The following TYW1B variants were observed in gnomAD, a reference collection of about 807,000 sequenced individuals.
TYW1B encodes the protein tRNA-yW synthesizing protein 1 homolog B.
TYW1B carries 73 observed loss-of-function variants against 86.9 expected under a neutral mutation model. The ratio of observed to expected loss-of-function variants is 0.84; its 90% CI spans 0.70 to 1.02. TYW1B has a LOEUF of 1.02. Among genes scored for constraint, TYW1B ranks in the 50% least tolerant of loss-of-function variants. The pLI, the probability that TYW1B is intolerant of heterozygous loss-of-function variation, is 0.00. For missense variants in TYW1B, 637 were observed against 827.4 expected, an observed-to-expected ratio of 0.77 and a Z score of 2.82; for synonymous variants, 248 against 292.8, an observed-to-expected ratio of 0.85 and a Z score of 1.56.
chr7:72,668,689 T>C (rs1813522659), intron 11 of TYW1B, among the ~76,000 whole-genome samples: 1 of 152,170 alleles, frequency 6.6e-6, no homozygotes, highest in Admixed American at 6.5e-5. Context: ...TGGTGGCTCT[T>C]AAGGAACACA....
At chr7:72,777,782 G>A (rs1444623949) in intron 6 of TYW1B, among the ~76,000 whole-genome samples, 1 of 152,078 alleles carries the variant, frequency 6.6e-6, no homozygotes, top group African/African-American at 2.4e-5. Flanking sequence ...CGGGGATGGT[G>A]GCTCACACCT....
chr7:72,645,353 A>C (rs1812903079), intron 11 of TYW1B, among the ~76,000 whole-genome samples: 1 of 152,242 alleles, frequency 6.6e-6, no homozygotes, highest in Non-Finnish European at 1.5e-5. Context: ...GAATGTTCTT[A>C]TATGGCCTTG....
intron 9 of TYW1B, among the ~76,000 whole-genome samples, chr7:72,714,880 G>A (rs1786748894): frequency 6.6e-6 from 1 of 152,120 alleles, no homozygotes; most frequent in South Asian, 2.1e-4. Flanking sequence ...CGGTGTCACC[G>A]CACTCCAGCC....
At chr7:72,654,413 G>T (rs1813149047) in intron 11 of TYW1B, among the ~76,000 whole-genome samples, 1 of 152,156 alleles carries the variant, frequency 6.6e-6, no homozygotes, top group East Asian at 1.9e-4. Flanking sequence ...GCTCAAAACT[G>T]TCAAGGTATC....
intron 8 of TYW1B, among the ~76,000 whole-genome samples, chr7:72,731,847 C>G (rs544448573): frequency 6.6e-6 from 1 of 152,172 alleles, no homozygotes; most frequent in Admixed American, 6.6e-5. Context: ...GAGGATGAGG[C>G]AGGAGAATTG....
chr7:72,667,070 A>AATGCCC (rs1409204072), intron 11 of TYW1B, among the ~76,000 whole-genome samples: 3 of 150,724 alleles, frequency 2.0e-5, no homozygotes, highest in African/African-American at 7.3e-5. Context: ...AACAGGGTAA[A>AATGCCC]ATGCCCATAT....
chr7:72,794,235 G>A (rs1259014780), intron 6 of TYW1B, among the ~76,000 whole-genome samples: 6 of 152,112 alleles, frequency 3.9e-5, no homozygotes, highest in African/African-American at 1.4e-4. Context: ...GAGGGACAGG[G>A]CACAGAGGAG....
chr7:72,794,044 G>C (rs1237841817), intron 6 of TYW1B, among the ~76,000 whole-genome samples: 1 of 152,146 alleles, frequency 6.6e-6, no homozygotes, highest in East Asian at 1.9e-4. Flanking sequence ...AGAAGCAAAC[G>C]GATCAGCTAC....
At chr7:72,681,165 C>T (rs545372695) in intron 11 of TYW1B, among the ~76,000 whole-genome samples, 1 of 152,282 alleles carries the variant, frequency 6.6e-6, no homozygotes, top group South Asian at 2.1e-4. Context: ...GAGACCCAAG[C>T]TTTCAATTAC....
chr7:72,669,974 A>AATAAATAAATAC (rs1255441252), intron 11 of TYW1B, among the ~76,000 whole-genome samples: 18 of 123,010 alleles, frequency 1.5e-4, no homozygotes, highest in African/African-American at 4.9e-4. Context: ...TAAATAAATA[A>AATAAATAAATAC]ATAAAGATTA....
intron 11 of TYW1B, among the ~76,000 whole-genome samples, chr7:72,670,096 A>C (rs1403240895): frequency 1.6e-4 from 24 of 152,076 alleles, no homozygotes; most frequent in African/African-American, 5.3e-4. Flanking sequence ...GTGCCACTGC[A>C]CTCCAGCCTG....
At chr7:72,658,382 A>C (rs1252379927) in intron 11 of TYW1B, among the ~76,000 whole-genome samples, 2 of 152,250 alleles carry the variant, frequency 1.3e-5, no homozygotes, top group African/African-American at 4.8e-5. Flanking sequence ...TTGTTACACA[A>C]ACAAAAAAAG....
chr7:72,803,798 GAGA>G (rs1788447293), intron 5 of TYW1B, among the ~76,000 whole-genome samples: 1 of 151,750 alleles, frequency 6.6e-6, no homozygotes. Flanking sequence ...ATTTTTAGTA[GAGA>G]GAGGGTTTCA....
chr7:72,750,002 T>TAC (rs1787472733), intron 7 of TYW1B, among the ~76,000 whole-genome samples: 2 of 149,310 alleles, frequency 1.3e-5, no homozygotes, highest in East Asian at 2.0e-4. Context: ...TGATCCTCCC[T>TAC]CACAGCCTCC....
At chr7:72,765,178 C>T (rs1471873289) in intron 7 of TYW1B, among the ~76,000 whole-genome samples, 1 of 152,208 alleles carries the variant, frequency 6.6e-6, no homozygotes, top group Non-Finnish European at 1.5e-5. Context: ...TCCTGGAAGG[C>T]TCACGATCCT....
At chr7:72,622,205 A>C (rs1812234717) in intron 12 of TYW1B, among the ~76,000 whole-genome samples, 1 of 152,222 alleles carries the variant, frequency 6.6e-6, no homozygotes, top group Non-Finnish European at 1.5e-5. Flanking sequence ...CTAGCAAATA[A>C]AGGCCTCTTT....
intron 10 of TYW1B, among the ~76,000 whole-genome samples, chr7:72,701,047 GA>G (rs1554452442): frequency 6.6e-6 from 1 of 151,026 alleles, no homozygotes; most frequent in Non-Finnish European, 1.5e-5. Context: ...CTGGGTGACA[GA>G]GCAAGATTCC....
At chr7:72,586,815 T>C (rs1295899238) in intron 13 of TYW1B, among the ~76,000 whole-genome samples, 5 of 151,914 alleles carry the variant, frequency 3.3e-5, no homozygotes, top group Non-Finnish European at 7.4e-5. Flanking sequence ...AGGTACTCTA[T>C]CAGGCAGGAC....
intron 7 of TYW1B, among the ~76,000 whole-genome samples, chr7:72,745,198 AT>A (rs1274972636): frequency 1.3e-5 from 2 of 151,958 alleles, no homozygotes; most frequent in Non-Finnish European, 2.9e-5. Flanking sequence ...TTATTTTTTA[AT>A]TTTTTGTAGA....
Sources: gnomAD v4.1 joint callset for allele counts (sites outside exome capture counted in the v4.1 genomes callset) on GRCh38, gnomAD v4.1.1 for gene constraint, MANE v1.5 for transcripts, NCBI Gene and HGNC (gene_info 2026-07-23, HGNC 2026-07-21) for gene names.